QNG1: variants seen among roughly 807,000 people sequenced by gnomAD.
The protein encoded by QNG1 is Q-nucleotide N-glycosylase 1.
chr9:83,944,894 G>T, the QNG1 span: 1 of 1,613,952 alleles, frequency 6.2e-7, no homozygotes, highest in East Asian at 2.2e-5. Context: ...TGATACTGGA[G>T]ATGTCCTTGA....
At chr9:83,939,683 C>A in the QNG1 span, 1 of 1,614,090 alleles carries the variant, frequency 6.2e-7, no homozygotes, top group South Asian at 1.1e-5. Flanking sequence ...CAGCTCAACA[C>A]ACCAAAGCGA....
chr9:83,950,248 C>T, the QNG1 span, among the ~76,000 whole-genome samples: 2 of 151,868 alleles, frequency 1.3e-5, no homozygotes, highest in Admixed American at 1.3e-4. Flanking sequence ...CGGGGTTTCA[C>T]CACGTGTGCC....
At chr9:83,956,707 G>A in the QNG1 span, 10 of 437,744 alleles carry the variant, frequency 2.3e-5, no homozygotes, top group Non-Finnish European at 3.6e-5. Context: ...GAGAGACCCC[G>A]GGGCAGCTCG....
the QNG1 span, among the ~76,000 whole-genome samples, chr9:83,941,674 A>G: frequency 6.6e-6 from 1 of 152,134 alleles, no homozygotes; most frequent in African/African-American, 2.4e-5. Flanking sequence ...GCACTTTGGG[A>G]GGCCAAGGCG....
At chr9:83,956,143 G>T in the QNG1 span, 1 of 1,604,544 alleles carries the variant, frequency 6.2e-7, no homozygotes, top group East Asian at 2.2e-5. Context: ...CGTTAGGTCC[G>T]ATGGCAAGTA....
the QNG1 span, among the ~76,000 whole-genome samples, chr9:83,954,701 G>A: frequency 4.0e-5 from 6 of 151,652 alleles, no homozygotes; most frequent in Admixed American, 3.9e-4. Context: ...CCAACATGGT[G>A]AAACCCCGTC....
At chr9:83,953,901 A>AG in the QNG1 span, 3 of 1,159,088 alleles carry the variant, frequency 2.6e-6, no homozygotes, top group Non-Finnish European at 2.5e-6. Flanking sequence ...TTTTCAAGAA[A>AG]TACTTTTTTG....
chr9:83,944,636 C>A, the QNG1 span, among the ~76,000 whole-genome samples: 1 of 152,130 alleles, frequency 6.6e-6, no homozygotes, highest in Non-Finnish European at 1.5e-5. Flanking sequence ...AAAGAAAAAT[C>A]ATTTTCTCTA....
At chr9:83,940,683 T>C in the QNG1 span, among the ~76,000 whole-genome samples, 7 of 152,362 alleles carry the variant, frequency 4.6e-5, no homozygotes, top group African/African-American at 1.7e-4. Context: ...TGAAATCTCC[T>C]AATTTTCAAG....
chr9:83,939,512 C>A, the QNG1 span: 2 of 1,605,358 alleles, frequency 1.2e-6, no homozygotes, highest in Admixed American at 1.7e-5. Context: ...CACTTGAGGT[C>A]AATAATATAT....
the QNG1 span, chr9:83,956,666 C>T: frequency 1.8e-6 from 1 of 556,484 alleles, no homozygotes; most frequent in Non-Finnish European, 3.0e-6. Context: ...TAAAGGTTCT[C>T]TCCCGCGGCG....
chr9:83,955,577 A>G, the QNG1 span: 2 of 1,614,222 alleles, frequency 1.2e-6, no homozygotes, highest in Non-Finnish European at 1.7e-6. Context: ...GTCAGAACGA[A>G]GTATATTCCG....
At chr9:83,944,743 C>G in the QNG1 span, 1 of 1,412,280 alleles carries the variant, frequency 7.1e-7, no homozygotes, top group South Asian at 1.3e-5. Context: ...AGAAACTAAA[C>G]CGAGATCCAA....
chr9:83,944,243 A>G, the QNG1 span, among the ~76,000 whole-genome samples: 8 of 152,238 alleles, frequency 5.3e-5, no homozygotes, highest in Non-Finnish European at 1.2e-4. Context: ...ATACAAGGAA[A>G]TGTTATAAGC....
the QNG1 span, chr9:83,956,156 G>A: frequency 1.2e-6 from 2 of 1,607,224 alleles, no homozygotes; most frequent in Admixed American, 3.3e-5. Context: ...GGCAAGTATG[G>A]CACCAACCTT....
chr9:83,939,836 G>A, the QNG1 span: 5 of 812,730 alleles, frequency 6.2e-6, no homozygotes, highest in East Asian at 2.4e-5. Context: ...TATTTAAATG[G>A]TACTCATTTT....
At chr9:83,951,674 G>A in the QNG1 span, among the ~76,000 whole-genome samples, 1 of 152,148 alleles carries the variant, frequency 6.6e-6, no homozygotes, top group Non-Finnish European at 1.5e-5. Flanking sequence ...ATAGTCATAA[G>A]AAAGCCAATT....
At chr9:83,944,105 T>A in the QNG1 span, among the ~76,000 whole-genome samples, 2 of 152,136 alleles carry the variant, frequency 1.3e-5, no homozygotes, top group Non-Finnish European at 1.5e-5. Context: ...GAAGACTGCT[T>A]AAGCCCAGGA....
At chr9:83,948,654 G>C in the QNG1 span, among the ~76,000 whole-genome samples, 6 of 152,262 alleles carry the variant, frequency 3.9e-5, no homozygotes, top group African/African-American at 1.4e-4. Flanking sequence ...GAATAGAAAG[G>C]GGGGAAATGT....
Sources: gnomAD v4.1 joint callset for allele counts (sites outside exome capture counted in the v4.1 genomes callset) on GRCh38, gnomAD v4.1.1 for gene constraint, MANE v1.5 for transcripts, NCBI Gene and HGNC (gene_info 2026-07-23, HGNC 2026-07-21) for gene names.